The following MIGA1 variants were observed in gnomAD, a reference collection of about 807,000 sequenced individuals.
MIGA1 encodes family with sequence similarity 73, member A.
In MIGA1, 58 loss-of-function variants were observed where a neutral mutation model predicts 82.0. The ratio of observed to expected loss-of-function variants is 0.71; its 90% CI spans 0.57 to 0.88. The LOEUF is 0.88. Among genes scored for constraint, MIGA1 ranks in the 40% least tolerant of loss-of-function variants. MIGA1 has a pLI of 0.00. For missense variants in MIGA1, 751 were observed against 749.1 expected (o/e 1.00, Z -0.03); for synonymous variants, 249 against 253.6 (o/e 0.98, Z 0.17).
chr1:77,815,836 C>T (rs1371787550), intron 7 of MIGA1, among the ~76,000 whole-genome samples: 1 of 152,140 alleles, frequency 6.6e-6, no homozygotes, highest in Non-Finnish European at 1.5e-5. Context: ...CTCAAGTGAT[C>T]CACCTGCCTC....
chr1:77,834,317 T>C (rs1279314004), intron 7 of MIGA1, among the ~76,000 whole-genome samples: 1 of 152,032 alleles, frequency 6.6e-6, no homozygotes, highest in African/African-American at 2.4e-5. Context: ...CTGGACTACA[T>C]TGTGCACACA....
chr1:77,866,247 CG>C (rs1685661644), intron 13 of MIGA1, 90 bp from the exon 14 acceptor site: 3 of 1,171,538 alleles, frequency 2.6e-6, no homozygotes, highest in Admixed American at 1.8e-5. Flanking sequence ...ATGTATTGAA[CG>C]TTTTAGACCC....
intron 14 of MIGA1, among the ~76,000 whole-genome samples, chr1:77,869,282 C>G (rs1218911566): frequency 7.2e-6 from 1 of 139,630 alleles, no homozygotes; most frequent in Non-Finnish European, 1.5e-5. Context: ...TCAACAGGAT[C>G]CCAAGGCAGA....
At chr1:77,833,050 A>C (rs896034668) in intron 7 of MIGA1, among the ~76,000 whole-genome samples, 1 of 152,226 alleles carries the variant, frequency 6.6e-6, no homozygotes, top group African/African-American at 2.4e-5. Context: ...TTTGGTAAGC[A>C]GCCAGATAGA....
intron 2 of MIGA1, among the ~76,000 whole-genome samples, chr1:77,787,538 G>A (rs1682220342): frequency 6.6e-6 from 1 of 151,694 alleles, no homozygotes. Flanking sequence ...ACAGGCGCCT[G>A]CCACCATACC....
intron 8 of MIGA1, chr1:77,853,541 C>A (rs1685134259): frequency 1.2e-5 from 2 of 163,014 alleles, no homozygotes; most frequent in Non-Finnish European, 2.7e-5. Flanking sequence ...CCAGCCTGGC[C>A]AACATAATGA....
chr1:77,781,989 ATT>A (rs560096907), intron 1 of MIGA1, among the ~76,000 whole-genome samples: 41 of 145,104 alleles, frequency 2.8e-4, no homozygotes, highest in Admixed American at 6.2e-4. Flanking sequence ...GTAGCAAATA[ATT>A]TTTTTTTTTT....
chr1:77,814,690 C>A (rs1683507348), intron 6 of MIGA1, among the ~76,000 whole-genome samples: 1 of 152,214 alleles, frequency 6.6e-6, no homozygotes, highest in Non-Finnish European at 1.5e-5. Flanking sequence ...GGTTCTCAAA[C>A]TTGAGAATGC....
At chr1:77,841,569 T>TAA (rs1298651132) in intron 7 of MIGA1, among the ~76,000 whole-genome samples, 1 of 141,414 alleles carries the variant, frequency 7.1e-6, no homozygotes, top group African/African-American at 2.6e-5. Flanking sequence ...ATGCTTTGAA[T>TAA]AAAAAAAAAA....
chr1:77,791,674 G>T (rs973265957), intron 2 of MIGA1, among the ~76,000 whole-genome samples: 2 of 147,136 alleles, frequency 1.4e-5, no homozygotes, highest in African/African-American at 2.5e-5. Flanking sequence ...AGTGGTTCTT[G>T]TGCCTCAGCC....
chr1:77,863,697 C>G (rs1455719727), intron 12 of MIGA1, among the ~76,000 whole-genome samples, 197 bp from the exon 13 acceptor site: 1 of 152,128 alleles, frequency 6.6e-6, no homozygotes, highest in Non-Finnish European at 1.5e-5. Context: ...CACTTGAGAT[C>G]TAGGAAGGAG....
chr1:77,860,889 A>AC (rs1373807263), intron 11 of MIGA1: 1 of 236,544 alleles, frequency 4.2e-6, no homozygotes, highest in Non-Finnish European at 8.2e-6. Context: ...AGTGATTTGA[A>AC]CTAGGGTTCC....
intron 7 of MIGA1, among the ~76,000 whole-genome samples, chr1:77,832,265 T>A (rs1472656819): frequency 6.6e-6 from 1 of 152,224 alleles, no homozygotes; most frequent in Non-Finnish European, 1.5e-5. Flanking sequence ...CTAATCTATG[T>A]TTTTACAGAA....
At chr1:77,782,741 G>A (rs1681978640) in intron 1 of MIGA1, 1 of 265,738 alleles carries the variant, frequency 3.8e-6, no homozygotes, top group African/African-American at 2.3e-5. Context: ...GAGACAATAG[G>A]AGAATAAATG....
In MIGA1 at chr1:77,813,736, A is replaced by G. The variant is rs1557907092; in HGVS notation, c.640A>G (p.Met214Val). The G allele has an allele frequency of 6.2e-7, 1 of 1,613,758 alleles. No homozygotes were observed. ...ATTGTTCTGTTCTTAATTTTTAGGT[A>G]TGGAATTGTTTGAAGAGGCATTGCG... Residue 214 changes from methionine to valine, a missense_variant and splice_region_variant, in exon 6 of 16, where the codon ATG (methionine) becomes GTG (valine). Met to Val is a conservative substitution (Grantham distance 21, BLOSUM62 1). This residue lies in a region of MIGA1 where 482 missense variants were observed against 439.4 expected (regional missense o/e 1.10). Coordinates refer to ENST00000370791, the MANE Select transcript of MIGA1 (RefSeq NM_198549.4).
At chr1:77,870,816 C>G (rs1044532403) in intron 14 of MIGA1, among the ~76,000 whole-genome samples, 1 of 151,264 alleles carries the variant, frequency 6.6e-6, no homozygotes, top group African/African-American at 2.4e-5. Context: ...GTGAACGAGA[C>G]TCCGTCTGCA....
In MIGA1 at chr1:77,843,408, G is replaced by A. The variant is rs1243358867; in HGVS notation, c.996+1G>A. 2 of 1,611,920 alleles carry A rather than the reference G, an allele frequency of 1.2e-6. No homozygotes were observed. The highest frequency in any genetic ancestry group is 1.7e-4 in the Middle Eastern group (1 of 6,052). Reference sequence around the variant, plus strand: ...GGATTCCTTTGCTTCCGCAGCAGAGGTAGGACATATGTGTTCCTAATGAGG... The same window carrying A: ...GGATTCCTTTGCTTCCGCAGCAGAGATAGGACATATGTGTTCCTAATGAGG... On this transcript the variant is annotated splice_donor_variant, in intron 8 of 15. Coordinates refer to ENST00000370791, the MANE Select transcript of MIGA1 (RefSeq NM_198549.4). LOFTEE classifies it high-confidence loss of function.
At chr1:77,841,023 A>G (rs1249655285) in intron 7 of MIGA1, among the ~76,000 whole-genome samples, 1 of 152,190 alleles carries the variant, frequency 6.6e-6, no homozygotes, top group Admixed American at 6.5e-5. Flanking sequence ...ATATGCACTG[A>G]AAAGAGAATT....
At chr1:77,863,231 C>T (rs985780622) in intron 12 of MIGA1, among the ~76,000 whole-genome samples, 2 of 152,164 alleles carry the variant, frequency 1.3e-5, no homozygotes, top group Admixed American at 6.5e-5. Context: ...TCTGTCACCC[C>T]TCTTGGCCTA....
Sources: allele counts gnomAD v4.1 joint callset (sites outside exome capture counted in the v4.1 genomes callset), GRCh38; gene constraint gnomAD v4.1.1; regional missense constraint gnomAD v4.1.1; transcripts MANE v1.5; gene names NCBI Gene and HGNC (gene_info 2026-07-23, HGNC 2026-07-21).